Variants in SYNE2 observed in about 807,000 individuals in gnomAD.
The protein encoded by SYNE2 is nesprin-2.
Under a neutral mutation model 856.3 loss-of-function variants are expected in SYNE2, and 431 were observed. The observed-to-expected ratio is 0.50, with a 90% CI of 0.47 to 0.55. The LOEUF is 0.55. Among genes scored for constraint, SYNE2 ranks in the 20% least tolerant of loss-of-function variants. The probability of loss-of-function intolerance (pLI) is 0.00; values close to 1 mark genes in which losing one functional copy is unlikely to be tolerated. For synonymous variants in SYNE2, 2,923 were observed against 2,872.3 expected (o/e 1.02, Z -0.56); for missense variants, 8,129 against 8,023.2 (o/e 1.01, Z -0.50).
At chr14:64,105,473 T>C (rs1376387307) in intron 64 of SYNE2, among the ~76,000 whole-genome samples, 2 of 152,202 alleles carry the variant, frequency 1.3e-5, no homozygotes, top group African/African-American at 4.8e-5. Context: ...GCCTTATATA[T>C]GTCACTTAAT....
intron 104 of SYNE2, 57 bp from the exon 105 acceptor site, chr14:64,212,750 ACAGG>A: frequency 3.3e-6 from 5 of 1,494,556 alleles, no homozygotes; most frequent in Non-Finnish European, 3.7e-6. Flanking sequence ...GTTAGAAGAA[ACAGG>A]CAGTGGAAGC....
At chr14:64,019,268 G>A (rs1486572543) in intron 34 of SYNE2, among the ~76,000 whole-genome samples, 14 of 78,578 alleles carry the variant, frequency 1.8e-4, no homozygotes, top group East Asian at 3.8e-4. Flanking sequence ...GGGAGACTCC[G>A]TCTCAAAAAA....
chr14:63,956,498 C>T, intron 8 of SYNE2: 1 of 454,718 alleles, frequency 2.2e-6, no homozygotes, highest in South Asian at 1.6e-5. Flanking sequence ...AGTTCCAGCA[C>T]ACTCACTGAC....
rs758535687 is a variant in SYNE2, at chr14:63,983,822, CA to C, written c.2089del (p.Thr697LeufsTer10). 3.7e-6 allele frequency: 6 copies of C among 1,608,618 alleles called. No homozygotes were observed. The highest frequency in any genetic ancestry group is 2.6e-6 in the Non-Finnish European group (3 of 1,175,742). ...AATATTCTATCTAAAGAAGAGAAAGCAACTGTTGAGTTTTCAACAGATATGT... is the reference window on the plus strand; with the variant it reads ...AATATTCTATCTAAAGAAGAGAAAGCACTGTTGAGTTTTCAACAGATATGT... ...SGNILSKEEK[A>X]TVEFSTDMSV... On this transcript the variant is annotated frameshift_variant, in exon 18 of 116. Transcript: ENST00000555002. LOFTEE classifies it high-confidence loss of function.
chr14:64,017,445 A>G (rs2096902039), intron 33 of SYNE2, 150 bp from the exon 34 acceptor site: 1 of 619,178 alleles, frequency 1.6e-6, no homozygotes, highest in Non-Finnish European at 2.9e-6. Flanking sequence ...GAACTACATG[A>G]TATGTTAAAG....
Position 64,167,037 on chromosome 14 carries a change from T to A in SYNE2, c.16606-196T>A, listed in dbSNP as rs977873511. 6.3e-6 allele frequency: 4 copies of A among 631,580 alleles called. No individual in the cohort carries two copies. The Admixed American group carries it at 1.1e-4, about 18-fold the overall frequency. The allele number at this position is 631,580 out of a possible 1,614,324, so 39.1% of individuals were successfully genotyped here. On this transcript the variant is annotated intron_variant, in intron 90 of 115. Coordinates refer to ENST00000555002, the MANE Select transcript of SYNE2 (RefSeq NM_182914.3). ...TTTGGGTGCTGGCCGTGTTGCAGGT[T>A]GGTATTCTAGAAGGCACAGCATTGA...
intron 61 of SYNE2, among the ~76,000 whole-genome samples, chr14:64,094,168 T>C (rs1015842123): frequency 6.6e-6 from 1 of 151,378 alleles, no homozygotes; most frequent in African/African-American, 2.4e-5. Context: ...CTGTCTCTAC[T>C]AAAAATACAA....
chr14:64,009,939 A>C (rs371306281), intron 31 of SYNE2, 27 bp from the exon 32 acceptor site: 5 of 1,604,316 alleles, frequency 3.1e-6, no homozygotes, highest in Non-Finnish European at 4.3e-6. Context: ...TTGGACATTT[A>C]GCTATTGTAT....
intron 34 of SYNE2, among the ~76,000 whole-genome samples, chr14:64,019,669 A>C (rs942339910): frequency 6.6e-6 from 1 of 152,290 alleles, no homozygotes; most frequent in South Asian, 2.1e-4. Context: ...ATGTGTGTGC[A>C]TGCGTGCAGA....
chr14:64,165,350 TGAA>T lies in SYNE2; in HGVS notation c.16551_16553del (p.Glu5518del), dbSNP rs2098368374. The T allele has an allele frequency of 6.2e-7, 1 of 1,613,460 alleles. No individual in the cohort carries two copies. The highest frequency in any genetic ancestry group is 2.2e-5 in the East Asian group (1 of 44,878). The stretch of plus-strand genomic sequence containing the variant: ...AATCTTTAAAAGGTCTTATTATGCA[TGAA>T]GAAGAGAATTTGGATAGACTTCACC... On this transcript the variant is annotated inframe_deletion, in exon 90 of 116. Transcript: ENST00000555002.
intron 42 of SYNE2, among the ~76,000 whole-genome samples, chr14:64,027,032 C>G (rs1390953854): frequency 6.6e-6 from 1 of 152,098 alleles, no homozygotes; most frequent in Non-Finnish European, 1.5e-5. Context: ...ATTCTTAATT[C>G]ATATCATGTC....
At chr14:64,065,397 A>C in intron 50 of SYNE2, 35 bp from the exon 51 acceptor site, 2 of 1,571,502 alleles carry the variant, frequency 1.3e-6, no homozygotes, top group Non-Finnish European at 1.7e-6. Context: ...CCATAATAGT[A>C]TGTCCCTCTT....
intron 65 of SYNE2, among the ~76,000 whole-genome samples, chr14:64,112,559 G>C (rs975731345): frequency 6.6e-6 from 1 of 152,134 alleles, no homozygotes; most frequent in Non-Finnish European, 1.5e-5. Context: ...TGGTATCTGG[G>C]AGAAAATTTT....
chr14:64,214,571 G>A, intron 106 of SYNE2, 101 bp downstream of exon 106: 1 of 1,220,144 alleles, frequency 8.2e-7, no homozygotes, highest in South Asian at 1.3e-5. Context: ...AGTCCATCTT[G>A]TGGCCGACCC....
intron 74 of SYNE2, 84 bp from the exon 75 acceptor site, chr14:64,129,698 T>C: frequency 6.3e-7 from 1 of 1,586,022 alleles, no homozygotes; most frequent in South Asian, 1.1e-5. Flanking sequence ...TCCCTTTCTG[T>C]ACTATTTAAT....
At chr14:63,823,803 T>A (rs1889317611) in intron 1 of SYNE2, among the ~76,000 whole-genome samples, 1 of 152,060 alleles carries the variant, frequency 6.6e-6, no homozygotes, top group Admixed American at 6.6e-5. Flanking sequence ...AGCCAGCTAA[T>A]ATTTTTTATT....
chr14:64,034,088 T>C (rs1035728545), intron 45 of SYNE2, among the ~76,000 whole-genome samples: 1 of 152,232 alleles, frequency 6.6e-6, no homozygotes, highest in African/African-American at 2.4e-5. Context: ...ATCAGATTTA[T>C]GCTTAGACTA....
At chr14:63,970,276 C>G (rs1005804774) in intron 11 of SYNE2, among the ~76,000 whole-genome samples, 25 of 152,258 alleles carry the variant, frequency 1.6e-4, no homozygotes, top group African/African-American at 6.0e-4. Context: ...GCAGCCTCAG[C>G]CTCCTAGGCT....
At chr14:63,834,422 A>G (rs556183567) in intron 1 of SYNE2, among the ~76,000 whole-genome samples, 1 of 152,228 alleles carries the variant, frequency 6.6e-6, no homozygotes, top group African/African-American at 2.4e-5. Context: ...TTGTTTGTTT[A>G]AAGTTCTTCA....
Sources: gnomAD v4.1 joint callset for allele counts (sites outside exome capture counted in the v4.1 genomes callset) on GRCh38, gnomAD v4.1.1 for gene constraint, MANE v1.5 for transcripts, NCBI Gene and HGNC (gene_info 2026-07-23, HGNC 2026-07-21) for gene names.